GNG7: variants seen among roughly 807,000 people sequenced by gnomAD.
The protein encoded by GNG7 is G protein subunit gamma 7.
Under a neutral mutation model 4.0 loss-of-function variants are expected in GNG7, and 1 was observed. The ratio of observed to expected loss-of-function variants is 0.25; its 90% confidence interval spans 0.09 to 1.18. The LOEUF is 1.18. GNG7 is among the 50% of genes most tolerant of loss of function. The probability of loss-of-function intolerance (pLI) is 0.50; values close to 1 mark genes in which losing one functional copy is unlikely to be tolerated. For synonymous variants in GNG7, 34 were observed against 36.9 expected, an observed-to-expected ratio of 0.92 and a Z score of 0.29; for missense variants, 86 against 91.9, an observed-to-expected ratio of 0.94 and a Z score of 0.26.
At chr19:2,574,672 C>A (rs1407239148) in intron 2 of GNG7, among the ~76,000 whole-genome samples, 7 of 152,210 alleles carry the variant, frequency 4.6e-5, no homozygotes, top group Non-Finnish European at 7.3e-5. Flanking sequence ...GGGAATCATG[C>A]CGCTGTGCAC....
At chr19:2,664,465 C>G (rs779359622) in intron 1 of GNG7, among the ~76,000 whole-genome samples, 6 of 152,092 alleles carry the variant, frequency 3.9e-5, no homozygotes, top group African/African-American at 7.2e-5. Context: ...CCAGGCCGGG[C>G]GTGACCTGGA....
chr19:2,657,324 A>C (rs1983000080), intron 1 of GNG7, among the ~76,000 whole-genome samples: 1 of 114,058 alleles, frequency 8.8e-6, no homozygotes. Context: ...ACAAAGCAAG[A>C]CCCCGTCTCA....
intron 1 of GNG7, among the ~76,000 whole-genome samples, chr19:2,673,562 AG>A (rs1191052343): frequency 6.6e-6 from 1 of 151,794 alleles, no homozygotes; most frequent in Non-Finnish European, 1.5e-5. Flanking sequence ...GCAGGGTGGC[AG>A]GCACCTGAAA....
At chr19:2,650,574 G>A (rs978590086) in intron 1 of GNG7, among the ~76,000 whole-genome samples, 2 of 152,172 alleles carry the variant, frequency 1.3e-5, no homozygotes, top group Admixed American at 1.3e-4. Flanking sequence ...GCCCCTGGCT[G>A]TCCTCAAGAC....
At chr19:2,553,727 T>C (rs547171824) in intron 3 of GNG7, among the ~76,000 whole-genome samples, 4 of 148,748 alleles carry the variant, frequency 2.7e-5, no homozygotes, top group African/African-American at 9.8e-5. Context: ...TACATATATG[T>C]ACATATTACA....
At chr19:2,643,536 A>G in intron 2 of GNG7, 1 of 343,560 alleles carries the variant, frequency 2.9e-6, no homozygotes, top group Non-Finnish European at 5.4e-6. Flanking sequence ...GCCCTGCACC[A>G]TGTCCACTGG....
chr19:2,602,725 C>T (rs1413265890), intron 2 of GNG7, among the ~76,000 whole-genome samples: 1 of 152,194 alleles, frequency 6.6e-6, no homozygotes, highest in African/African-American at 2.4e-5. Flanking sequence ...CAATCTCGGG[C>T]TGGGCAGAGG....
In GNG7 at chr19:2,539,022, C is replaced by T. The variant is rs544714860; in HGVS notation, c.-38+16127G>A. On this transcript the variant is annotated intron_variant, in intron 3 of 4. Transcript: ENST00000382159. ...TCCTGACCTCATGATCTGCCCACCT[C>T]GGCCTCCCAAAGTGCTGGGATTACA... Among the ~76,000 whole-genome samples the T allele has an allele frequency of 1.7e-4, 26 of 152,232 alleles. 1 individual carries two copies. The South Asian group carries it at 2.9e-3, about 17-fold the overall frequency.
chr19:2,568,461 C>CCCAT (rs1980019845), intron 2 of GNG7, among the ~76,000 whole-genome samples: 1 of 151,026 alleles, frequency 6.6e-6, no homozygotes, highest in Non-Finnish European at 1.5e-5. Flanking sequence ...TATACATACA[C>CCCAT]ACACACATGC....
At chr19:2,655,332 T>C (rs2144871140) in intron 1 of GNG7, among the ~76,000 whole-genome samples, 1 of 151,872 alleles carries the variant, frequency 6.6e-6, no homozygotes, top group East Asian at 1.9e-4. Context: ...ACGCTGAAGA[T>C]CATTAATCAG....
At chr19:2,629,199 T>G (rs978733199) in intron 2 of GNG7, among the ~76,000 whole-genome samples, 1 of 152,174 alleles carries the variant, frequency 6.6e-6, no homozygotes, top group African/African-American at 2.4e-5. Context: ...GATATCTTAG[T>G]AGGTCTCTCT....
At chr19:2,541,199 G>A (rs558734715) in intron 3 of GNG7, among the ~76,000 whole-genome samples, 10 of 152,310 alleles carry the variant, frequency 6.6e-5, no homozygotes, top group East Asian at 3.9e-4. Flanking sequence ...GGTTGGGTGC[G>A]GTGGCTCGTG....
chr19:2,538,328 T>C, intron 3 of GNG7: 1 of 454,962 alleles, frequency 2.2e-6, no homozygotes, highest in South Asian at 1.6e-5. Context: ...ATCCAAAGCA[T>C]GCGTCAGGCC....
chr19:2,583,163 T>C (rs1428515969), intron 2 of GNG7, among the ~76,000 whole-genome samples: 2 of 152,114 alleles, frequency 1.3e-5, no homozygotes, highest in East Asian at 1.9e-4. Flanking sequence ...CAAGTTGTGA[T>C]AAATCATGGA....
chr19:2,527,140 G>A (rs1341265068), intron 3 of GNG7, among the ~76,000 whole-genome samples: 4 of 152,116 alleles, frequency 2.6e-5, no homozygotes, highest in Admixed American at 2.0e-4. Flanking sequence ...CACTGCTCCC[G>A]GCCCTATCTT....
intron 2 of GNG7, among the ~76,000 whole-genome samples, chr19:2,556,865 G>C (rs913474474): frequency 6.6e-6 from 1 of 152,128 alleles, no homozygotes; most frequent in African/African-American, 2.4e-5. Flanking sequence ...CACCTGCTCC[G>C]TGCCAGGAGC....
intron 1 of GNG7, among the ~76,000 whole-genome samples, chr19:2,673,101 C>T (rs1052243754): frequency 6.6e-6 from 1 of 150,966 alleles, no homozygotes; most frequent in Non-Finnish European, 1.5e-5. Context: ...CTAAACAATA[C>T]AAAAAATTAG....
At chr19:2,641,844 TA>T (rs1279687098) in intron 2 of GNG7, 2 of 150,642 alleles carry the variant, frequency 1.3e-5, no homozygotes, top group Non-Finnish European at 3.0e-5. Context: ...TTTGTATTTT[TA>T]GTAGAGATGG....
chr19:2,619,138 A>G (rs768106592), intron 2 of GNG7, among the ~76,000 whole-genome samples: 3 of 152,246 alleles, frequency 2.0e-5, no homozygotes, highest in Non-Finnish European at 4.4e-5. Context: ...CAAATTCAAC[A>G]AATATCCGTA....
Sources: gnomAD v4.1 joint callset for allele counts (sites outside exome capture counted in the v4.1 genomes callset) on GRCh38, gnomAD v4.1.1 for gene constraint, MANE v1.5 for transcripts, NCBI Gene and HGNC (gene_info 2026-07-23, HGNC 2026-07-21) for gene names.